Variants in CFAP61 observed in about 807,000 individuals in gnomAD.
CFAP61 encodes cilia- and flagella-associated protein 61.
In CFAP61, 107 loss-of-function variants were observed where a neutral mutation model predicts 135.6. That is an observed-to-expected ratio of 0.79 (90% CI 0.67 to 0.93). CFAP61 has a LOEUF of 0.93. CFAP61 is among the 40% of genes least tolerant of loss of function. The pLI is 0.00. For synonymous variants in CFAP61, 575 were observed against 578.5 expected, an observed-to-expected ratio of 0.99 and a Z score of 0.09; for missense variants, 1,507 against 1,556.2, an observed-to-expected ratio of 0.97 and a Z score of 0.53.
At chr20:20,071,074 T>C in intron 3 of CFAP61, 70 bp downstream of exon 3, 1 of 1,510,024 alleles carries the variant, frequency 6.6e-7, no homozygotes, top group Non-Finnish European at 9.1e-7. Context: ...TTTGTGATTA[T>C]GTCTTTCCAA....
chr20:20,304,307 A>T (rs56101224), intron 25 of CFAP61, among the ~76,000 whole-genome samples: 21,578 of 76,114 alleles, frequency 0.28, 2,200 homozygotes, highest in East Asian at 0.57. Context: ...TGTGTGTGAG[A>T]GAGAGAGAGA....
chr20:20,354,865 TG>T, intron 26 of CFAP61, among the ~76,000 whole-genome samples: 1 of 60,706 alleles, frequency 1.6e-5, no homozygotes, highest in East Asian at 6.1e-4. Flanking sequence ...GTGGTCACAC[TG>T]AGAGGGGAGG....
intron 22 of CFAP61, among the ~76,000 whole-genome samples, chr20:20,283,642 C>T (rs1433048913): frequency 6.6e-6 from 1 of 152,228 alleles, no homozygotes; most frequent in Non-Finnish European, 1.5e-5. Flanking sequence ...AATCAGGCTG[C>T]ATTCTATCTG....
At chr20:20,116,809 G>T (rs1034845655) in intron 8 of CFAP61, among the ~76,000 whole-genome samples, 4 of 151,838 alleles carry the variant, frequency 2.6e-5, no homozygotes, top group African/African-American at 9.7e-5. Flanking sequence ...ATCTTCATGA[G>T]ATCCACTTTT....
At chr20:20,277,893 T>G (rs2147043400) in intron 22 of CFAP61, among the ~76,000 whole-genome samples, 1 of 152,302 alleles carries the variant, frequency 6.6e-6, no homozygotes, top group South Asian at 2.1e-4. Flanking sequence ...TGGGACTGGC[T>G]TCCTCACAAC....
At chr20:20,194,877 A>G (rs1405338918) in intron 15 of CFAP61, among the ~76,000 whole-genome samples, 3 of 152,200 alleles carry the variant, frequency 2.0e-5, no homozygotes, top group Admixed American at 6.5e-5. Context: ...CATTACACCA[A>G]AAATAATTTT....
chr20:20,304,908 G>A (rs781044368), intron 25 of CFAP61, among the ~76,000 whole-genome samples: 1 of 152,136 alleles, frequency 6.6e-6, no homozygotes, highest in Non-Finnish European at 1.5e-5. Context: ...CCCTGCAAAA[G>A]AGAGGTCTCG....
intron 18 of CFAP61, among the ~76,000 whole-genome samples, chr20:20,245,345 GA>G (rs1337399348): frequency 1.3e-5 from 2 of 152,126 alleles, no homozygotes; most frequent in Middle Eastern, 3.2e-3. Flanking sequence ...CGTGGCTGGG[GA>G]GGCCTCACAA....
At chr20:20,303,884 G>A (rs192614643) in intron 25 of CFAP61, among the ~76,000 whole-genome samples, 15 of 152,302 alleles carry the variant, frequency 9.8e-5, no homozygotes, top group Admixed American at 3.3e-4. Context: ...TCCGCATTCA[G>A]AGAAATCCTT....
chr20:20,328,320 G>T (rs1384591896), intron 25 of CFAP61, among the ~76,000 whole-genome samples: 1 of 152,134 alleles, frequency 6.6e-6, no homozygotes, highest in Non-Finnish European at 1.5e-5. Flanking sequence ...ATGGTACTTT[G>T]GATGGTCATA....
intron 25 of CFAP61, among the ~76,000 whole-genome samples, chr20:20,327,569 C>T (rs1178410400): frequency 6.6e-6 from 1 of 152,162 alleles, no homozygotes. Flanking sequence ...AAGAGACTCT[C>T]TTTGGGCTAA....
At chr20:20,251,320 CACAT>C (rs918646173) in intron 19 of CFAP61, among the ~76,000 whole-genome samples, 16 of 147,332 alleles carry the variant, frequency 1.1e-4, no homozygotes, top group South Asian at 2.2e-4. Flanking sequence ...CACACACACA[CACAT>C]ACAGATAAAC....
intron 25 of CFAP61, among the ~76,000 whole-genome samples, chr20:20,337,757 G>A (rs2058291875): frequency 6.6e-6 from 1 of 152,112 alleles, no homozygotes; most frequent in South Asian, 2.1e-4. Context: ...GGAGCACAGG[G>A]GCTTTGGGAA....
chr20:20,351,559 G>A (rs2058837457), intron 26 of CFAP61, among the ~76,000 whole-genome samples: 1 of 136,944 alleles, frequency 7.3e-6, no homozygotes, highest in African/African-American at 2.7e-5. Context: ...TCCAGTCTGA[G>A]CGAGACTCTG....
chr20:20,276,873 G>A (rs2053805923), intron 21 of CFAP61, among the ~76,000 whole-genome samples: 1 of 152,178 alleles, frequency 6.6e-6, no homozygotes, highest in South Asian at 2.1e-4. Flanking sequence ...GGGAACAAAA[G>A]CAAGATAAAA....
intron 22 of CFAP61, among the ~76,000 whole-genome samples, 184 bp downstream of exon 22, chr20:20,277,642 C>A (rs1245130523): frequency 6.6e-6 from 1 of 152,234 alleles, no homozygotes; most frequent in Non-Finnish European, 1.5e-5. Flanking sequence ...CATAAAGCAA[C>A]AACAACCGTT....
chr20:20,087,837 C>G (rs373125901), intron 6 of CFAP61, among the ~76,000 whole-genome samples: 8 of 152,134 alleles, frequency 5.3e-5, no homozygotes, highest in African/African-American at 1.9e-4. Flanking sequence ...CTGGCTCCCC[C>G]GCTCAGGCTG....
At chr20:20,053,669 G>T (rs1007548097) in intron 1 of CFAP61, among the ~76,000 whole-genome samples, 6 of 152,056 alleles carry the variant, frequency 3.9e-5, no homozygotes, top group African/African-American at 1.4e-4. Context: ...ACTGCAGTCA[G>T]TTATAACCAA....
At chr20:20,155,452 A>G (rs890929220) in intron 9 of CFAP61, among the ~76,000 whole-genome samples, 1 of 152,236 alleles carries the variant, frequency 6.6e-6, no homozygotes, top group African/African-American at 2.4e-5. Context: ...TCTGCACAGC[A>G]GAAGAAATAA....
Sources: allele counts gnomAD v4.1 joint callset (sites outside exome capture counted in the v4.1 genomes callset), GRCh38; gene constraint gnomAD v4.1.1; transcripts MANE v1.5; gene names NCBI Gene and HGNC (gene_info 2026-07-23, HGNC 2026-07-21).